Variants in BTG4 observed in about 807,000 individuals in gnomAD.
BTG4 encodes the protein BTG anti-proliferation factor 4, also known as protein BTG4.
Under a neutral mutation model 19.3 loss-of-function variants are expected in BTG4, and 10 were observed. The ratio of observed to expected loss-of-function variants is 0.52; its 90% CI spans 0.32 to 0.88. The LOEUF is 0.88. Among genes scored for constraint, BTG4 ranks in the 40% least tolerant of loss-of-function variants. The pLI, the probability that BTG4 is intolerant of heterozygous loss-of-function variation, is 0.04. For missense variants in BTG4, 238 were observed against 281.9 expected (o/e 0.84, Z 1.11); for synonymous variants, 91 against 95.7 (o/e 0.95, Z 0.29).
chr11:111,495,989 T>C (rs1865704097), intron 4 of BTG4, among the ~76,000 whole-genome samples: 1 of 152,156 alleles, frequency 6.6e-6, no homozygotes, highest in Non-Finnish European at 1.5e-5. Context: ...ACACATAGTT[T>C]AAAAAACTAG....
chr11:111,496,912 C>A, intron 4 of BTG4: 1 of 355,438 alleles, frequency 2.8e-6, no homozygotes. Flanking sequence ...TCCCACTAAT[C>A]TTAATCTTTG....
chr11:111,383,834 A>G, the BTG4 span, among the ~76,000 whole-genome samples: 31 of 152,358 alleles, frequency 2.0e-4, no homozygotes, highest in East Asian at 6.0e-3. Context: ...ATCATTATAA[A>G]ATTAATTTGG....
chr11:111,513,933 A>G (rs1225829388), upstream of BTG4: 2 of 156,726 alleles, frequency 1.3e-5, no homozygotes, highest in Non-Finnish European at 2.8e-5. Context: ...TGCTAAATTG[A>G]CTTTATGATG....
chr11:111,393,642 A>G, the BTG4 span, among the ~76,000 whole-genome samples: 1 of 152,226 alleles, frequency 6.6e-6, no homozygotes, highest in African/African-American at 2.4e-5. Context: ...CAGTTACTAA[A>G]GCAAAACCAG....
At chr11:111,429,333 A>G in the BTG4 span, among the ~76,000 whole-genome samples, 5 of 152,214 alleles carry the variant, frequency 3.3e-5, no homozygotes, top group African/African-American at 1.2e-4. Flanking sequence ...ACTGAGAGGC[A>G]ATAAATGGGT....
chr11:111,472,066 T>A (rs1201227696), intron 5 of BTG4, among the ~76,000 whole-genome samples: 1 of 152,244 alleles, frequency 6.6e-6, no homozygotes, highest in African/African-American at 2.4e-5. Context: ...TCCTTACTAA[T>A]GGCTTCCTCA....
the BTG4 span, among the ~76,000 whole-genome samples, chr11:111,427,777 T>C: frequency 2.0e-5 from 3 of 152,128 alleles, no homozygotes; most frequent in Admixed American, 1.3e-4. Context: ...CAGTCAAATG[T>C]GGTCCCTGAA....
the BTG4 span, chr11:111,455,146 C>T: frequency 4.5e-6 from 2 of 444,596 alleles, no homozygotes; most frequent in South Asian, 3.2e-5. Flanking sequence ...ACTCCCTCCC[C>T]TCACTGAGGT....
chr11:111,403,303 A>G, the BTG4 span, among the ~76,000 whole-genome samples: 2 of 152,180 alleles, frequency 1.3e-5, no homozygotes, highest in Non-Finnish European at 2.9e-5. Context: ...CAGAATCCCA[A>G]CCTCAAACAC....
chr11:111,397,932 A>G, the BTG4 span: 3 of 152,186 alleles, frequency 2.0e-5, no homozygotes, highest in African/African-American at 4.8e-5. Context: ...CAAGAGTTCC[A>G]TGATCTCTAA....
At chr11:111,437,457 T>C in the BTG4 span, among the ~76,000 whole-genome samples, 1 of 152,196 alleles carries the variant, frequency 6.6e-6, no homozygotes, top group African/African-American at 2.4e-5. Context: ...AGTTTCTCAA[T>C]TTCTAAAGCT....
chr11:111,472,481 G>A (rs1034607656), intron 5 of BTG4, among the ~76,000 whole-genome samples: 19 of 152,174 alleles, frequency 1.2e-4, no homozygotes, highest in African/African-American at 4.3e-4. Context: ...GGCCAGGGAT[G>A]CTGCTAAACA....
the BTG4 span, chr11:111,454,104 A>AACT: frequency 3.0e-6 from 1 of 334,158 alleles, no homozygotes; most frequent in Non-Finnish European, 5.8e-6. Context: ...CTTACCCAAG[A>AACT]ACTACACTTT....
the BTG4 span, among the ~76,000 whole-genome samples, chr11:111,442,058 C>G: frequency 6.6e-6 from 1 of 150,954 alleles, no homozygotes; most frequent in African/African-American, 2.4e-5. Context: ...GACTCCATCT[C>G]AAAAAACAAA....
At chr11:111,503,609 C>T (rs955744) in intron 1 of BTG4, among the ~76,000 whole-genome samples, 59,464 of 151,926 alleles carry the variant, frequency 0.39, 12,004 homozygotes, top group Middle Eastern at 0.5. Flanking sequence ...TATGTCTGGG[C>T]GAAGAACCAC....
chr11:111,415,833 G>C, the BTG4 span: 2 of 152,224 alleles, frequency 1.3e-5, no homozygotes, highest in Non-Finnish European at 2.9e-5. Context: ...TTGAGCTCAG[G>C]AGTCTGCCAT....
chr11:111,455,784 G>A, the BTG4 span: 1 of 454,828 alleles, frequency 2.2e-6, no homozygotes, highest in African/African-American at 2.0e-5. Context: ...ACACGGTGCT[G>A]GGCCACCTGT....
At chr11:111,466,322 C>A (rs1565437439), downstream of BTG4, among the ~76,000 whole-genome samples, 1 of 152,104 alleles carries the variant, frequency 6.6e-6, no homozygotes, top group Admixed American at 6.6e-5. Context: ...ATACTCAAGG[C>A]CATTACAGAC....
intron 5 of BTG4, among the ~76,000 whole-genome samples, chr11:111,468,744 G>C (rs1863878253): frequency 6.6e-6 from 1 of 152,220 alleles, no homozygotes; most frequent in South Asian, 2.1e-4. Context: ...CTCAAACTGT[G>C]ATCCTTAGAC....
Sources: allele counts gnomAD v4.1 joint callset (sites outside exome capture counted in the v4.1 genomes callset), GRCh38; gene constraint gnomAD v4.1.1; transcripts MANE v1.5; gene names NCBI Gene and HGNC (gene_info 2026-07-23, HGNC 2026-07-21).